Variants in EDIL3 observed in about 807,000 individuals in gnomAD.
The protein encoded by EDIL3 is EGF-like repeat and discoidin I-like domain-containing protein 3.
In EDIL3, 37 loss-of-function variants were observed where a neutral mutation model predicts 67.4. That is an observed-to-expected ratio of 0.55 (90% CI 0.42 to 0.72). The LOEUF (loss-of-function observed/expected upper bound fraction) is 0.72. EDIL3 is among the 30% of genes least tolerant of loss of function. The probability of loss-of-function intolerance (pLI) is 0.00; values close to 1 mark genes in which losing one functional copy is unlikely to be tolerated. For synonymous variants in EDIL3, 195 were observed against 196.3 expected, an observed-to-expected ratio of 0.99 and a Z score of 0.05; for missense variants, 527 against 586.3, an observed-to-expected ratio of 0.90 and a Z score of 1.04.
chr5:83,948,560 C>T (rs528363280), intron 10 of EDIL3, among the ~76,000 whole-genome samples: 6 of 151,606 alleles, frequency 4.0e-5, no homozygotes, highest in South Asian at 4.2e-4. Flanking sequence ...AATTTATGTT[C>T]TACTTTGCCC....
chr5:83,982,391 C>A (rs1422790635), intron 9 of EDIL3, among the ~76,000 whole-genome samples: 10 of 152,048 alleles, frequency 6.6e-5, no homozygotes, highest in Admixed American at 6.6e-4. Context: ...CTAAGCATTT[C>A]ATTAAATAGC....
chr5:84,219,221 T>C (rs1231313185), intron 3 of EDIL3, among the ~76,000 whole-genome samples: 1 of 152,192 alleles, frequency 6.6e-6, no homozygotes, highest in Non-Finnish European at 1.5e-5. Flanking sequence ...TTCTTCTGCA[T>C]ATTATCCAAG....
At chr5:84,253,985 CA>C (rs1261904202) in intron 2 of EDIL3, 98 bp downstream of exon 2, 3 of 1,270,274 alleles carry the variant, frequency 2.4e-6, no homozygotes. Flanking sequence ...CAACATATAG[CA>C]ATTTTACAAC....
intron 3 of EDIL3, among the ~76,000 whole-genome samples, chr5:84,217,571 G>C (rs903125592): frequency 6.6e-6 from 1 of 152,056 alleles, no homozygotes; most frequent in Non-Finnish European, 1.5e-5. Context: ...TGATTTCCCT[G>C]AGAAGAGGAG....
intron 1 of EDIL3, among the ~76,000 whole-genome samples, chr5:84,378,644 T>C (rs1364391013): frequency 6.6e-6 from 1 of 152,196 alleles, no homozygotes; most frequent in Admixed American, 6.5e-5. Context: ...GTCAGAAGTT[T>C]CTGATTCTTT....
At chr5:84,075,193 C>G (rs1746827630) in intron 6 of EDIL3, among the ~76,000 whole-genome samples, 1 of 143,602 alleles carries the variant, frequency 7.0e-6, no homozygotes, top group South Asian at 2.3e-4. Context: ...ACTCTGGGTA[C>G]TGTTGTGGGG....
chr5:84,102,922 A>C (rs1474248386), intron 6 of EDIL3, among the ~76,000 whole-genome samples: 2 of 151,754 alleles, frequency 1.3e-5, no homozygotes, highest in Non-Finnish European at 2.9e-5. Flanking sequence ...CAAAAATAAA[A>C]CCCCCCAAAA....
chr5:84,350,846 T>C (rs1747341799), intron 1 of EDIL3, among the ~76,000 whole-genome samples: 2 of 152,102 alleles, frequency 1.3e-5, no homozygotes, highest in African/African-American at 2.4e-5. Flanking sequence ...GTAAAGTTAG[T>C]TTTAATGAAA....
At chr5:84,263,704 A>G (rs1409082351) in intron 1 of EDIL3, among the ~76,000 whole-genome samples, 3 of 152,252 alleles carry the variant, frequency 2.0e-5, no homozygotes, top group African/African-American at 7.2e-5. Flanking sequence ...AAATACCTAT[A>G]GAAATCTAGT....
At chr5:83,991,539 T>C (rs2112159818) in intron 9 of EDIL3, among the ~76,000 whole-genome samples, 1 of 152,294 alleles carries the variant, frequency 6.6e-6, no homozygotes, top group East Asian at 1.9e-4. Context: ...CACATTCATT[T>C]CCTCAACACT....
intron 1 of EDIL3, among the ~76,000 whole-genome samples, chr5:84,266,577 T>C (rs1447584063): frequency 1.3e-5 from 2 of 152,192 alleles, no homozygotes; most frequent in Non-Finnish European, 1.5e-5. Flanking sequence ...CCAGGTCCCA[T>C]GTAGCTCTGT....
At chr5:84,346,999 T>G (rs1747251966) in intron 1 of EDIL3, among the ~76,000 whole-genome samples, 1 of 152,198 alleles carries the variant, frequency 6.6e-6, no homozygotes, top group Admixed American at 6.6e-5. Context: ...AATTTTTTTC[T>G]GCCTCTTGCA....
chr5:84,011,562 C>T (rs1347609227), intron 9 of EDIL3, among the ~76,000 whole-genome samples: 1 of 152,122 alleles, frequency 6.6e-6, no homozygotes, highest in Non-Finnish European at 1.5e-5. Context: ...TTACTTCTTC[C>T]TTGCTCAAAG....
At chr5:84,079,858 T>C (rs1339685797) in intron 6 of EDIL3, among the ~76,000 whole-genome samples, 1 of 152,104 alleles carries the variant, frequency 6.6e-6, no homozygotes, top group Non-Finnish European at 1.5e-5. Context: ...AACTCCCCTG[T>C]TCTTTCACAT....
At chr5:84,300,838 T>A (rs1028623164) in intron 1 of EDIL3, among the ~76,000 whole-genome samples, 28 of 152,172 alleles carry the variant, frequency 1.8e-4, no homozygotes, top group Non-Finnish European at 3.7e-4. Flanking sequence ...TAGATTGCAA[T>A]ATTTGTATAC....
At chr5:84,379,618 C>T (rs879471217) in intron 1 of EDIL3, among the ~76,000 whole-genome samples, 2 of 152,050 alleles carry the variant, frequency 1.3e-5, no homozygotes, top group Non-Finnish European at 2.9e-5. Flanking sequence ...TGTTTTACTA[C>T]AAACACCTCA....
intron 1 of EDIL3, among the ~76,000 whole-genome samples, chr5:84,304,072 C>T (rs774524499): frequency 6.6e-5 from 10 of 152,020 alleles, no homozygotes; most frequent in African/African-American, 2.2e-4. Context: ...TTTATTTAAA[C>T]AGTTTGTGAC....
At chr5:84,346,708 A>G (rs1320076483) in intron 1 of EDIL3, among the ~76,000 whole-genome samples, 3 of 152,174 alleles carry the variant, frequency 2.0e-5, no homozygotes, top group Admixed American at 2.0e-4. Flanking sequence ...GGACATCAGA[A>G]CCAGTAATGC....
chr5:84,325,930 T>A (rs1746747366), intron 1 of EDIL3, among the ~76,000 whole-genome samples: 1 of 152,104 alleles, frequency 6.6e-6, no homozygotes, highest in African/African-American at 2.4e-5. Flanking sequence ...ATGCTATGGT[T>A]TGAATGTGTC....
Sources: allele counts gnomAD v4.1 joint callset (sites outside exome capture counted in the v4.1 genomes callset), GRCh38; gene constraint gnomAD v4.1.1; transcripts MANE v1.5; gene names NCBI Gene and HGNC (gene_info 2026-07-23, HGNC 2026-07-21).